The following RPS6KB1 variants were observed in gnomAD, a reference collection of about 807,000 sequenced individuals.
The protein encoded by RPS6KB1 is ribosomal protein S6 kinase beta-1.
A neutral mutation model predicts 70.2 loss-of-function variants in RPS6KB1; 12 were observed. The ratio of observed to expected loss-of-function variants is 0.17; its 90% CI spans 0.11 to 0.28. The LOEUF (loss-of-function observed/expected upper bound fraction) is 0.28. Among genes scored for constraint, RPS6KB1 ranks in the 10% least tolerant of loss-of-function variants. The probability of loss-of-function intolerance (pLI) is 1.00; values close to 1 mark genes in which losing one functional copy is unlikely to be tolerated. For synonymous variants in RPS6KB1, 175 were observed against 211.2 expected, an observed-to-expected ratio of 0.83 and a Z score of 1.49; for missense variants, 270 against 646.6, an observed-to-expected ratio of 0.42 and a Z score of 6.32.
rs373044516 is a variant in RPS6KB1 at position 59,901,237 on chromosome 17, C to T, written c.141+7912C>T. ...CGATCTCGGCTCACTGCAAGCTCCGCCTCCCAGGTTCACGCCATTCTCCTG... is the reference window on the plus strand; with the variant it reads ...CGATCTCGGCTCACTGCAAGCTCCGTCTCCCAGGTTCACGCCATTCTCCTG... On this transcript the variant is annotated intron_variant, in intron 1 of 14. Coordinates refer to ENST00000225577, the MANE Select transcript of RPS6KB1 (RefSeq NM_003161.4). 4.4e-4 allele frequency among the ~76,000 whole-genome samples: 66 copies of T among 151,180 alleles called. 1 individual carries two copies. The highest frequency in any genetic ancestry group is 1.6e-3 in the African/African-American group (66 of 41,352).
chr17:59,893,425 G>A lies in RPS6KB1; in HGVS notation c.141+100G>A. ...TCCTAGAGCGTGGAGACCCAGGGGG[G>A]CTCCTGAGGAGCTGAGGGTCGCGCG... On this transcript the variant is annotated intron_variant, in intron 1 of 14. Transcript: ENST00000225577. The surrounding 1 kb of genome is among the most constrained non-coding windows in gnomAD (Gnocchi z 4.1). 1 of 1,246,912 alleles carries A rather than the reference G, an allele frequency of 8.0e-7. No individual in the cohort carries two copies. The highest frequency in any genetic ancestry group is 2.4e-5 in the Admixed American group (1 of 41,374). The allele number at this position is 1,246,912 out of a possible 1,614,324, so 77.2% of individuals were successfully genotyped here.
Position 59,948,851 on chromosome 17 carries a change from T to C in RPS6KB1, c.*2063T>C, listed in dbSNP as rs1156741589. On this transcript the variant is annotated 3_prime_UTR_variant, in exon 15 of 15. Coordinates refer to ENST00000225577, the MANE Select transcript of RPS6KB1 (RefSeq NM_003161.4). ...CAGAACCCGAAAAGCTATGGTGATA[T>C]GTACAGGCATTATTTCAGACTGTAA... is the stretch of plus-strand genomic sequence containing the variant. 6.6e-6 allele frequency: 1 copy of C among 152,648 alleles called. No homozygotes were observed. The highest frequency in any genetic ancestry group is 1.5e-5 in the Non-Finnish European group (1 of 68,024). The allele number at this position is 152,648 out of a possible 1,614,324, so 9.5% of individuals were successfully genotyped here.
intron 13 of RPS6KB1, 65 bp from the exon 14 acceptor site, chr17:59,945,341 C>A: frequency 1.2e-6 from 1 of 836,278 alleles, no homozygotes; most frequent in Non-Finnish European, 2.0e-6. Context: ...TCAGACTGAA[C>A]AACCCCATTC....
At position 59,937,792 on chromosome 17, in the gene RPS6KB1, C is replaced by T. The variant is rs569981430; in HGVS notation, c.1119+1251C>T. Among the ~76,000 whole-genome samples, 17 of 152,234 alleles carry T rather than the reference C, an allele frequency of 1.1e-4. No homozygotes were observed. The South Asian group carries it at 2.3e-3, about 20-fold the overall frequency. ...AACTAGAGGTTAGAATTTCAATGTA[C>T]GAAATTTTTTGGGGGTGGGTAAGGC... On this transcript the variant is annotated intron_variant, in intron 12 of 14. Coordinates refer to ENST00000225577, the MANE Select transcript of RPS6KB1 (RefSeq NM_003161.4).
At chr17:59,911,455 G>C (rs558239758) in intron 2 of RPS6KB1, among the ~76,000 whole-genome samples, 1 of 151,804 alleles carries the variant, frequency 6.6e-6, no homozygotes, top group Non-Finnish European at 1.5e-5. Context: ...CCACCTCCTG[G>C]GTTCAAGCGA....
intron 4 of RPS6KB1, among the ~76,000 whole-genome samples, chr17:59,924,992 C>G (rs1392946515): frequency 6.6e-6 from 1 of 151,940 alleles, no homozygotes; most frequent in Admixed American, 6.6e-5. Context: ...CCATGCCCGA[C>G]TAATTTTTTT....
At chr17:59,912,209 C>T in intron 2 of RPS6KB1, 1 of 202,770 alleles carries the variant, frequency 4.9e-6, no homozygotes, top group Admixed American at 4.8e-5. Flanking sequence ...GGGTCACCAG[C>T]AGCTGTATTG....
intron 4 of RPS6KB1, among the ~76,000 whole-genome samples, chr17:59,924,855 G>T (rs1234532791): frequency 2.0e-5 from 3 of 151,144 alleles, no homozygotes; most frequent in Non-Finnish European, 4.4e-5. Context: ...TTGAGACGGA[G>T]TCTCACTTTG....
chr17:59,910,667 T>C, intron 2 of RPS6KB1, 56 bp downstream of exon 2: 3 of 1,120,416 alleles, frequency 2.7e-6, no homozygotes, highest in Non-Finnish European at 4.0e-6. Context: ...GTAGGTTTTA[T>C]CAGTTCTATT....
chr17:59,895,853 G>C (rs2041522112), intron 1 of RPS6KB1, among the ~76,000 whole-genome samples: 1 of 151,740 alleles, frequency 6.6e-6, no homozygotes, highest in Non-Finnish European at 1.5e-5. Context: ...GGGTGGGCCT[G>C]AACTCCTGAG....
chr17:59,925,982 T>C (rs978022744), intron 4 of RPS6KB1, among the ~76,000 whole-genome samples: 2 of 152,094 alleles, frequency 1.3e-5, no homozygotes, highest in African/African-American at 4.8e-5. Context: ...CGAGACTTTC[T>C]GCTAGGTCAG....
chr17:59,946,968 AAACTT>A lies in RPS6KB1; in HGVS notation c.*183_*187del. The A allele has an allele frequency of 2.1e-6, 3 of 1,436,020 alleles. No homozygotes were observed. The highest frequency in any genetic ancestry group is 2.8e-5 in the Admixed American group (1 of 35,938). The allele number at this position is 1,436,020 out of a possible 1,614,324, so 89.0% of individuals were successfully genotyped here. A position where few individuals can be genotyped will look rare whatever the true frequency, so the allele number is the denominator to read the frequency against. ...AAAAATCAATCAATGGTGCAAAAAAAAACTTAAAGCAAAATAGTATTGCTGAACTC... is the reference window on the plus strand; with the variant it reads ...AAAAATCAATCAATGGTGCAAAAAAAAAAGCAAAATAGTATTGCTGAACTC... On this transcript the variant is annotated 3_prime_UTR_variant, in exon 15 of 15. Transcript: ENST00000225577. The surrounding 1 kb of genome is among the most constrained non-coding windows in gnomAD (Gnocchi z 4.2).
At chr17:59,917,401 A>G (rs2043020927) in intron 4 of RPS6KB1, among the ~76,000 whole-genome samples, 1 of 152,020 alleles carries the variant, frequency 6.6e-6, no homozygotes, top group Non-Finnish European at 1.5e-5. Context: ...GATTACAGGT[A>G]TGGCCCACTG....
intron 1 of RPS6KB1, among the ~76,000 whole-genome samples, chr17:59,895,896 G>C (rs1034667331): frequency 1.3e-5 from 2 of 152,102 alleles, no homozygotes; most frequent in Non-Finnish European, 2.9e-5. Context: ...GCCTCTCAAA[G>C]TGCTGGGATT....
chr17:59,904,130 G>T (rs933542237), intron 1 of RPS6KB1, among the ~76,000 whole-genome samples: 1 of 151,882 alleles, frequency 6.6e-6, no homozygotes, highest in Non-Finnish European at 1.5e-5. Flanking sequence ...GCCCAGGCTG[G>T]AGTGCAGTGG....
chr17:59,922,283 C>T (rs1191018850), intron 4 of RPS6KB1, among the ~76,000 whole-genome samples: 3 of 151,958 alleles, frequency 2.0e-5, no homozygotes, highest in Admixed American at 6.6e-5. Flanking sequence ...TCAGGTGAGC[C>T]GCTCTCCTCG....
chr17:59,947,747 G>C lies in RPS6KB1; in HGVS notation c.*959G>C, dbSNP rs751187196. 2.6e-3 allele frequency: 1,570 copies of C among 596,388 alleles called. 20 individuals are homozygous for C. Among genetic ancestry groups the C allele is most frequent in the Non-Finnish European group, 5.1e-4 (166 of 327,572 alleles). 36.9% of individuals were successfully genotyped at this position (596,388 alleles called of 1,614,324 possible). On this transcript the variant is annotated 3_prime_UTR_variant, in exon 15 of 15. Coordinates refer to ENST00000225577, the MANE Select transcript of RPS6KB1 (RefSeq NM_003161.4). ...AAGACACCAAATGTCTTCAGCCCAT[G>C]GCTGAAGAACAACAGAAGAGAGTCA...
chr17:59,902,873 G>A (rs1203195045), intron 1 of RPS6KB1, among the ~76,000 whole-genome samples: 2 of 151,958 alleles, frequency 1.3e-5, no homozygotes, highest in Non-Finnish European at 2.9e-5. Flanking sequence ...CCACCTCCTC[G>A]CCTGGCCTGA....
At chr17:59,922,968 G>A (rs2043370066) in intron 4 of RPS6KB1, among the ~76,000 whole-genome samples, 1 of 149,678 alleles carries the variant, frequency 6.7e-6, no homozygotes, top group Non-Finnish European at 1.5e-5. Context: ...CCAGGTTCGA[G>A]CAATTCTCCT....
Sources: gnomAD v4.1 joint callset for allele counts (sites outside exome capture counted in the v4.1 genomes callset) on GRCh38, gnomAD v4.1.1 for gene constraint, Gnocchi (gnomAD v3.1) non-coding constraint, MANE v1.5 for transcripts, NCBI Gene and HGNC (gene_info 2026-07-23, HGNC 2026-07-21) for gene names.